The following ABTB3 variants were observed in gnomAD, a reference collection of about 807,000 sequenced individuals.
The protein encoded by ABTB3 is ankyrin repeat and BTB domain containing 3, also known as ankyrin repeat- and BTB/POZ domain-containing protein 3.
At chr12:107,555,841 T>C in the ABTB3 span, among the ~76,000 whole-genome samples, 1 of 152,106 alleles carries the variant, frequency 6.6e-6, no homozygotes, top group East Asian at 1.9e-4. Flanking sequence ...GTATCCCCCT[T>C]CCAGAAAAAC....
the ABTB3 span, among the ~76,000 whole-genome samples, chr12:107,518,698 A>G: frequency 2.6e-5 from 4 of 152,280 alleles, no homozygotes; most frequent in South Asian, 8.3e-4. Flanking sequence ...CACCGTATAC[A>G]TATGTAACAA....
At chr12:107,336,578 A>T in the ABTB3 span, among the ~76,000 whole-genome samples, 1 of 152,164 alleles carries the variant, frequency 6.6e-6, no homozygotes, top group East Asian at 1.9e-4. Context: ...TTCTTGATAC[A>T]TGTTGGCTGG....
chr12:107,323,510 A>G, the ABTB3 span, among the ~76,000 whole-genome samples: 8 of 152,280 alleles, frequency 5.3e-5, no homozygotes, highest in South Asian at 1.2e-3. Context: ...TCAGAACTGG[A>G]GTTTTGTGTT....
the ABTB3 span, among the ~76,000 whole-genome samples, chr12:107,498,808 CAT>C: frequency 2.0e-5 from 3 of 152,148 alleles, no homozygotes; most frequent in South Asian, 2.1e-4. Flanking sequence ...TGCCATGTAA[CAT>C]AGCATATTCA....
At chr12:107,461,606 TG>T in the ABTB3 span, among the ~76,000 whole-genome samples, 1 of 108,102 alleles carries the variant, frequency 9.3e-6, no homozygotes, top group Non-Finnish European at 2.0e-5. Flanking sequence ...CGCAACCCCT[TG>T]TTTTATAAAT....
the ABTB3 span, among the ~76,000 whole-genome samples, chr12:107,508,438 C>CTTTTTTTTTTTTTTTGTTT: frequency 2.9e-5 from 2 of 69,150 alleles, no homozygotes; most frequent in Non-Finnish European, 5.5e-5. Context: ...AAGATCATTT[C>CTTTTTTTTTTTTTTTGTTT]TTTTTTTTTT....
At chr12:107,410,656 A>G in the ABTB3 span, among the ~76,000 whole-genome samples, 15 of 152,268 alleles carry the variant, frequency 9.9e-5, no homozygotes, top group East Asian at 2.9e-3. Flanking sequence ...TGAAGATGGA[A>G]TTCAATAAGA....
At chr12:107,501,657 G>A in the ABTB3 span, among the ~76,000 whole-genome samples, 2 of 152,050 alleles carry the variant, frequency 1.3e-5, no homozygotes, top group African/African-American at 4.8e-5. Context: ...CTGAGATCAC[G>A]TCACTGCACC....
At chr12:107,375,003 T>G in the ABTB3 span, among the ~76,000 whole-genome samples, 1 of 152,154 alleles carries the variant, frequency 6.6e-6, no homozygotes, top group Non-Finnish European at 1.5e-5. Context: ...AGGTTAAGTC[T>G]TTTTGGCTTC....
the ABTB3 span, among the ~76,000 whole-genome samples, chr12:107,644,416 TCCCCCA>T: frequency 1.3e-5 from 2 of 152,104 alleles, no homozygotes; most frequent in Non-Finnish European, 2.9e-5. Context: ...TTTTGCGGTC[TCCCCCA>T]CCTTCTCCCG....
At chr12:107,348,182 G>T in the ABTB3 span, among the ~76,000 whole-genome samples, 1 of 152,036 alleles carries the variant, frequency 6.6e-6, no homozygotes, top group Non-Finnish European at 1.5e-5. Context: ...GTGCATGCGT[G>T]TGTGTATATA....
chr12:107,334,258 G>A, the ABTB3 span, among the ~76,000 whole-genome samples: 96 of 152,300 alleles, frequency 6.3e-4, no homozygotes, highest in African/African-American at 2.0e-3. Context: ...GGAGACCAGT[G>A]TGTGGAGGCT....
chr12:107,634,436 CA>C, the ABTB3 span, among the ~76,000 whole-genome samples: 1 of 151,978 alleles, frequency 6.6e-6, no homozygotes, highest in Admixed American at 6.6e-5. Flanking sequence ...GTTTTATTGC[CA>C]AAAAGACATG....
At chr12:107,425,008 CACA>C in the ABTB3 span, among the ~76,000 whole-genome samples, 1 of 152,196 alleles carries the variant, frequency 6.6e-6, no homozygotes, top group African/African-American at 2.4e-5. Flanking sequence ...ATGCTGCGGA[CACA>C]ACATCTTTTC....
chr12:107,523,737 A>C, the ABTB3 span, among the ~76,000 whole-genome samples: 1 of 152,226 alleles, frequency 6.6e-6, no homozygotes, highest in African/African-American at 2.4e-5. Context: ...GTTCAGAGGC[A>C]GAAGGTCCAA....
chr12:107,501,956 C>T, the ABTB3 span, among the ~76,000 whole-genome samples: 4 of 152,042 alleles, frequency 2.6e-5, no homozygotes, highest in Non-Finnish European at 5.9e-5. Context: ...AGGTTCTCAA[C>T]CTGGAGGTAC....
At chr12:107,491,310 A>C in the ABTB3 span, among the ~76,000 whole-genome samples, 1 of 152,336 alleles carries the variant, frequency 6.6e-6, no homozygotes, top group South Asian at 2.1e-4. Flanking sequence ...CACCATCAGT[A>C]GATAAGAGGG....
chr12:107,365,305 C>G, the ABTB3 span, among the ~76,000 whole-genome samples: 1 of 152,104 alleles, frequency 6.6e-6, no homozygotes, highest in Non-Finnish European at 1.5e-5. Flanking sequence ...GATGAGCAAA[C>G]TTTTCTGAAC....
chr12:107,389,846 T>TGTGTGTGTGTGTG, the ABTB3 span, among the ~76,000 whole-genome samples: 54 of 141,570 alleles, frequency 3.8e-4, 2 homozygotes, highest in African/African-American at 1.4e-3. Context: ...GTGTGTGTGT[T>TGTGTGTGTGTGTG]TGTGTGTGTG....
Sources: allele counts gnomAD v4.1 joint callset (sites outside exome capture counted in the v4.1 genomes callset), GRCh38; gene constraint gnomAD v4.1.1; transcripts MANE v1.5; gene names NCBI Gene and HGNC (gene_info 2026-07-23, HGNC 2026-07-21).